ITPR1: variants seen among roughly 807,000 people sequenced by gnomAD.
ITPR1 encodes the protein inositol 1,4,5-trisphosphate-gated calcium channel ITPR1.
A neutral mutation model predicts 318.4 loss-of-function variants in ITPR1; 96 were observed. The observed-to-expected ratio is 0.30, with a 90% CI of 0.26 to 0.36. The LOEUF (loss-of-function observed/expected upper bound fraction) is 0.36. Ranked by LOEUF, ITPR1 falls within the 10% of genes least tolerant of loss-of-function variation. ITPR1 has a pLI of 1.00. For missense variants in ITPR1, 2,440 were observed against 3,460.2 expected, an observed-to-expected ratio of 0.71 and a Z score of 7.40; for synonymous variants, 1,312 against 1,289.9, an observed-to-expected ratio of 1.02 and a Z score of -0.37.
chr3:4,676,864 C>G (rs749174173), intron 24 of ITPR1, 63 bp downstream of exon 24: 1 of 1,298,038 alleles, frequency 7.7e-7, no homozygotes, highest in African/African-American at 1.5e-5. Flanking sequence ...CAGATCCAGT[C>G]CCTCTGTTCT....
At chr3:4,605,486 A>G (rs1245281429) in intron 4 of ITPR1, among the ~76,000 whole-genome samples, 1 of 152,192 alleles carries the variant, frequency 6.6e-6, no homozygotes, top group Non-Finnish European at 1.5e-5. Context: ...TGAAGTTGAT[A>G]GTAGTGCTGG....
chr3:4,772,415 A>G (rs1416934982), intron 46 of ITPR1, among the ~76,000 whole-genome samples: 2 of 152,260 alleles, frequency 1.3e-5, no homozygotes, highest in Non-Finnish European at 2.9e-5. Context: ...AGATAAAGTC[A>G]CCAAGTCTCA....
rs144297613 is a variant in ITPR1 at position 4,815,035 on chromosome 3, G to C, written c.7702-18G>C. Reference sequence around the variant, plus strand: ...GTCGCAAGGGACCCAGACTGATCCAGACACCTCTCTTTTCCAGGAACCCCT... The same window carrying C: ...GTCGCAAGGGACCCAGACTGATCCACACACCTCTCTTTTCCAGGAACCCCT... On this transcript the variant is annotated intron_variant, in intron 58 of 61. Transcript: ENST00000649015. The C allele has an allele frequency of 1.9e-6, 3 of 1,599,018 alleles. No homozygotes were observed. In the African/African-American group the frequency reaches 4.0e-5, roughly 21 times the overall value.
intron 5 of ITPR1, among the ~76,000 whole-genome samples, chr3:4,632,708 A>G (rs2093050949): frequency 6.6e-6 from 1 of 152,190 alleles, no homozygotes; most frequent in African/African-American, 2.4e-5. Context: ...GTTATGTTTC[A>G]TCAGCAAGTC....
intron 46 of ITPR1, among the ~76,000 whole-genome samples, chr3:4,773,386 C>G (rs2046306333): frequency 6.6e-6 from 1 of 152,174 alleles, no homozygotes; most frequent in Non-Finnish European, 1.5e-5. Context: ...GGAGTGGTAA[C>G]AGAAGTTTGA....
rs910915462 is a variant in ITPR1 at position 4,676,552 on chromosome 3, A to G, written c.2780-62A>G. 18 of 1,291,088 alleles carry G rather than the reference A, an allele frequency of 1.4e-5. No individual in the cohort carries two copies. In the East Asian group the frequency reaches 3.7e-4, roughly 27 times the overall value. The allele number at this position is 1,291,088 out of a possible 1,614,324, so 80.0% of individuals were successfully genotyped here. On this transcript the variant is annotated intron_variant, in intron 23 of 61. Transcript: ENST00000649015. ...TCTCTCAAAGAGCCCCTGCCCCTTG[A>G]CATATGCCTCTGAGCATTCTCTAGA...
intron 4 of ITPR1, among the ~76,000 whole-genome samples, chr3:4,580,463 A>T (rs2089213558): frequency 6.6e-6 from 1 of 152,166 alleles, no homozygotes; most frequent in Non-Finnish European, 1.5e-5. Context: ...TTTGTTTTGT[A>T]AGAACTGCCA....
intron 18 of ITPR1, among the ~76,000 whole-genome samples, chr3:4,668,812 C>G (rs987607308): frequency 1.3e-5 from 2 of 152,174 alleles, no homozygotes; most frequent in African/African-American, 4.8e-5. Flanking sequence ...ACACTCCCCT[C>G]CCTCAGTATA....
At chr3:4,555,983 G>A (rs2086085414) in intron 4 of ITPR1, among the ~76,000 whole-genome samples, 1 of 152,192 alleles carries the variant, frequency 6.6e-6, no homozygotes, top group Non-Finnish European at 1.5e-5. Flanking sequence ...CGTAGACACT[G>A]CGTCGTGCTG....
intron 4 of ITPR1, among the ~76,000 whole-genome samples, chr3:4,571,833 C>A (rs185850737): frequency 2.0e-5 from 3 of 152,150 alleles, no homozygotes; most frequent in Non-Finnish European, 2.9e-5. Flanking sequence ...AGATGTTAGA[C>A]TTTGAGACCC....
intron 4 of ITPR1, among the ~76,000 whole-genome samples, chr3:4,544,419 C>T (rs1010236110): frequency 1.3e-5 from 2 of 152,188 alleles, no homozygotes; most frequent in Non-Finnish European, 2.9e-5. Flanking sequence ...TGCAAGCAAC[C>T]ATACGTATTC....
chr3:4,740,204 C>T (rs1011082892), intron 44 of ITPR1, among the ~76,000 whole-genome samples: 2 of 152,124 alleles, frequency 1.3e-5, no homozygotes, highest in Admixed American at 6.5e-5. Flanking sequence ...CCATTATAAT[C>T]GATTGAGCAC....
At chr3:4,815,985 TACACACACACACACAC>T (rs10607666) in intron 59 of ITPR1, among the ~76,000 whole-genome samples, 1 of 149,576 alleles carries the variant, frequency 6.7e-6, no homozygotes, top group Admixed American at 6.6e-5. Context: ...ATTTGCTTTA[TACACACACACACACAC>T]ACACACACAC....
chr3:4,609,129 C>G (rs531176285), intron 4 of ITPR1, among the ~76,000 whole-genome samples: 1 of 128,578 alleles, frequency 7.8e-6, no homozygotes, highest in East Asian at 2.7e-4. Context: ...GAGACATCCT[C>G]TTCTAATCTA....
chr3:4,661,852 A>T (rs2093840163), intron 14 of ITPR1, among the ~76,000 whole-genome samples: 2 of 152,232 alleles, frequency 1.3e-5, no homozygotes, highest in Non-Finnish European at 2.9e-5. Flanking sequence ...GTTAAAAATG[A>T]TATTAATGCC....
chr3:4,814,024 A>G lies in ITPR1; in HGVS notation c.7562-399A>G, dbSNP rs557656264. ...AAATATCCCTGGATATAGTCCTCACACCATTCCCAGTGAGGAACCTGTGTC... is the reference window on the plus strand; with the variant it reads ...AAATATCCCTGGATATAGTCCTCACGCCATTCCCAGTGAGGAACCTGTGTC... On this transcript the variant is annotated intron_variant, in intron 57 of 61. Transcript: ENST00000649015. 2.6e-5 allele frequency among the ~76,000 whole-genome samples: 4 copies of G among 152,346 alleles called. No homozygotes were observed. The South Asian group carries it at 8.3e-4, about 32-fold the overall frequency.
chr3:4,801,442 G>A (rs1380559769), intron 54 of ITPR1, among the ~76,000 whole-genome samples: 1 of 152,150 alleles, frequency 6.6e-6, no homozygotes, highest in Non-Finnish European at 1.5e-5. Flanking sequence ...GCTTACAGCG[G>A]GGAGGAGGCA....
chr3:4,628,141 G>A (rs1376879635), intron 5 of ITPR1, among the ~76,000 whole-genome samples: 1 of 152,180 alleles, frequency 6.6e-6, no homozygotes, highest in Admixed American at 6.5e-5. Flanking sequence ...TATGAGTACA[G>A]GCACTGGAAG....
intron 44 of ITPR1, among the ~76,000 whole-genome samples, chr3:4,761,630 A>G (rs2045458022): frequency 6.6e-6 from 1 of 152,134 alleles, no homozygotes; most frequent in African/African-American, 2.4e-5. Context: ...TGGAGTGAAA[A>G]GTTTGGAAAA....
Sources: gnomAD v4.1 joint callset for allele counts (sites outside exome capture counted in the v4.1 genomes callset) on GRCh38, gnomAD v4.1.1 for gene constraint, MANE v1.5 for transcripts, NCBI Gene and HGNC (gene_info 2026-07-23, HGNC 2026-07-21) for gene names.